The following SWT1 variants were observed in gnomAD, a reference collection of about 807,000 sequenced individuals.
The protein encoded by SWT1 is SWT1 RNA endoribonuclease homolog.
A neutral mutation model predicts 107.3 loss-of-function variants in SWT1; 33 were observed. The ratio of observed to expected loss-of-function variants is 0.31; its 90% CI spans 0.23 to 0.41. The LOEUF is 0.41. Among genes scored for constraint, SWT1 ranks in the 10% least tolerant of loss-of-function variants. The pLI is 1.00. For missense variants in SWT1, 898 were observed against 1,028.9 expected, an observed-to-expected ratio of 0.87 and a Z score of 1.74; for synonymous variants, 345 against 348.3, an observed-to-expected ratio of 0.99 and a Z score of 0.11.
intron 16 of SWT1, among the ~76,000 whole-genome samples, chr1:185,252,499 T>C (rs184637189): frequency 2.0e-5 from 3 of 152,248 alleles, no homozygotes; most frequent in East Asian, 3.8e-4. Context: ...TGGTATCCCA[T>C]TGTGGTTTTG....
intron 16 of SWT1, among the ~76,000 whole-genome samples, chr1:185,236,351 G>T (rs1660874314): frequency 6.6e-6 from 1 of 152,112 alleles, no homozygotes; most frequent in Admixed American, 6.6e-5. Context: ...AAACAGCATG[G>T]TACTGGTACC....
chr1:185,178,608 A>G (rs1655764473), intron 5 of SWT1, among the ~76,000 whole-genome samples: 4 of 152,150 alleles, frequency 2.6e-5, no homozygotes, highest in African/African-American at 9.7e-5. Flanking sequence ...GTGGTGGAAA[A>G]TTCATTGTAG....
At chr1:185,170,593 T>A (rs529593186) in intron 4 of SWT1, among the ~76,000 whole-genome samples, 45 of 152,302 alleles carry the variant, frequency 3.0e-4, no homozygotes, top group Non-Finnish European at 4.6e-4. Flanking sequence ...ATCTGGAAGC[T>A]CTATTCCTCT....
intron 16 of SWT1, among the ~76,000 whole-genome samples, chr1:185,242,281 A>G (rs1661301473): frequency 6.6e-6 from 1 of 152,216 alleles, no homozygotes. Context: ...AGCTGATAAA[A>G]TACGTGGCAT....
At chr1:185,288,333 C>G (rs1169911875) in intron 18 of SWT1, among the ~76,000 whole-genome samples, 2 of 152,160 alleles carry the variant, frequency 1.3e-5, no homozygotes, top group Non-Finnish European at 2.9e-5. Context: ...GCTGCCTCAG[C>G]CTTCTGAGTT....
chr1:185,227,013 T>G (rs1660122016), intron 15 of SWT1: 4 of 892,206 alleles, frequency 4.5e-6, no homozygotes, highest in Non-Finnish European at 7.5e-6. Context: ...AGTTATGCTG[T>G]TCTTTATGTA....
intron 13 of SWT1, among the ~76,000 whole-genome samples, chr1:185,211,317 A>G (rs973692765): frequency 3.9e-5 from 6 of 152,216 alleles, no homozygotes; most frequent in Non-Finnish European, 8.8e-5. Flanking sequence ...AGTAACAAAA[A>G]CAGCATGGTA....
At chr1:185,217,215 G>T (rs1448306319) in intron 14 of SWT1, among the ~76,000 whole-genome samples, 3 of 152,114 alleles carry the variant, frequency 2.0e-5, no homozygotes, top group Non-Finnish European at 4.4e-5. Flanking sequence ...AGTAAACGAA[G>T]AACTTTATGA....
chr1:185,238,690 A>C (rs995850203), intron 16 of SWT1, among the ~76,000 whole-genome samples: 1 of 152,186 alleles, frequency 6.6e-6, no homozygotes, highest in Non-Finnish European at 1.5e-5. Context: ...CCATTCACTT[A>C]TCAACAGGAA....
rs754038449 is a variant in SWT1 at position 185,231,612 on chromosome 1, C to G, written c.2345C>G (p.Ala782Gly). The change falls in exon 16 of 19, where the codon GCT becomes GGT. Residue 782 changes from alanine (A) to glycine (G), a missense_variant. Physicochemically the swap from Ala to Gly is moderately conservative, Grantham distance 60. Around this residue, in one of 6 missense-constraint regions of SWT1, gnomAD observed 382 missense variants for 460.0 expected, o/e 0.83. Transcript: ENST00000367500. ...DVFQRLGSNS[A>G]LTTSNIASFE... is the part of the protein sequence containing the mutation. ...TTTCAAAGATTGGGCTCAAATTCAG[C>G]TCTGACTACTTCAAATATAGCATCA... 13 of 1,610,468 alleles carry G rather than the reference C, an allele frequency of 8.1e-6. No homozygotes were observed. Among genetic ancestry groups the G allele is most frequent in the Middle Eastern group, 1.7e-4 (1 of 5,960 alleles).
intron 2 of SWT1, among the ~76,000 whole-genome samples, chr1:185,164,653 T>C (rs1301257710): frequency 6.6e-6 from 1 of 152,240 alleles, no homozygotes; most frequent in Non-Finnish European, 1.5e-5. Flanking sequence ...ACCTCTCTGC[T>C]AGCTTCCAAG....
At position 185,231,407 on chromosome 1, in the gene SWT1, T is replaced by A. The variant is rs145742215; in HGVS notation, c.2310-170T>A. Among the ~76,000 whole-genome samples the A allele has an allele frequency of 3.3e-4, 51 of 152,342 alleles. No individual in the cohort carries two copies. The East Asian group carries it at 9.6e-3, about 29-fold the overall frequency. On this transcript the variant is annotated intron_variant, in intron 15 of 18. Coordinates refer to ENST00000367500, the MANE Select transcript of SWT1 (RefSeq NM_017673.7). ...AACTAGATCCTTTACATGAATCTTATCCCAGACTTTCGTATTTTACTATCT... is the reference window on the plus strand; with the variant it reads ...AACTAGATCCTTTACATGAATCTTAACCCAGACTTTCGTATTTTACTATCT...
chr1:185,221,239 A>G (rs1371306252), intron 14 of SWT1, among the ~76,000 whole-genome samples: 1 of 151,824 alleles, frequency 6.6e-6, no homozygotes, highest in African/African-American at 2.4e-5. Flanking sequence ...TTTTCTTTTC[A>G]TTCTGCTGCC....
chr1:185,193,741 A>C (rs1657154835), intron 10 of SWT1, among the ~76,000 whole-genome samples: 1 of 152,204 alleles, frequency 6.6e-6, no homozygotes, highest in Non-Finnish European at 1.5e-5. Context: ...CTGGGATTAC[A>C]GGCATGAGCC....
intron 14 of SWT1, among the ~76,000 whole-genome samples, chr1:185,220,910 C>T (rs1472374362): frequency 6.6e-6 from 1 of 152,168 alleles, no homozygotes; most frequent in Admixed American, 6.5e-5. Context: ...ATAGTATTTC[C>T]ATCAATTCCT....
At chr1:185,163,694 C>G (rs1270341493) in intron 2 of SWT1, among the ~76,000 whole-genome samples, 1 of 152,104 alleles carries the variant, frequency 6.6e-6, no homozygotes, top group Non-Finnish European at 1.5e-5. Context: ...GCACCCAGCC[C>G]CCATTAAAGT....
intron 16 of SWT1, among the ~76,000 whole-genome samples, chr1:185,270,433 G>A (rs893968880): frequency 3.9e-5 from 6 of 152,014 alleles, no homozygotes; most frequent in African/African-American, 1.4e-4. Flanking sequence ...CGGGTGCTGT[G>A]GCTCACACCC....
chr1:185,282,793 C>T (rs148234829), intron 18 of SWT1, among the ~76,000 whole-genome samples: 1,807 of 152,012 alleles, frequency 0.012, 16 homozygotes, highest in African/African-American at 0.018. Flanking sequence ...TGGAGAATTG[C>T]GTGCTGTGTG....
intron 15 of SWT1, among the ~76,000 whole-genome samples, chr1:185,230,730 TTGTG>T (rs139516173): frequency 5.4e-5 from 8 of 149,352 alleles, no homozygotes; most frequent in South Asian, 4.2e-4. Context: ...GTTTGGTGTT[TTGTG>T]TGTGTGTGTG....
Sources: allele counts gnomAD v4.1 joint callset (sites outside exome capture counted in the v4.1 genomes callset), GRCh38; gene constraint gnomAD v4.1.1; regional missense constraint gnomAD v4.1.1; transcripts MANE v1.5; gene names NCBI Gene and HGNC (gene_info 2026-07-23, HGNC 2026-07-21).